Variants in ELFN2 observed in about 807,000 individuals in gnomAD.
ELFN2 encodes the protein protein phosphatase 1 regulatory subunit 29.
Under a neutral mutation model 45.5 loss-of-function variants are expected in ELFN2, and 17 were observed. The ratio of observed to expected loss-of-function variants is 0.37; its 90% CI spans 0.26 to 0.56. The LOEUF is 0.56. ELFN2 is among the 20% of genes least tolerant of loss of function. The pLI is 0.77. For missense variants in ELFN2, 922 were observed against 1,183.2 expected (o/e 0.78, Z 3.24); for synonymous variants, 550 against 551.5 (o/e 1.00, Z 0.04).
chr22:37,397,263 C>T (rs1423463737), intron 2 of ELFN2, among the ~76,000 whole-genome samples: 1 of 152,228 alleles, frequency 6.6e-6, no homozygotes, highest in Non-Finnish European at 1.5e-5. Flanking sequence ...TGTGCCCCCT[C>T]AGTGCCCCCA....
downstream of ELFN2, among the ~76,000 whole-genome samples, chr22:37,364,403 G>T (rs1251518083): frequency 6.6e-6 from 1 of 152,200 alleles, no homozygotes; most frequent in African/African-American, 2.4e-5. Flanking sequence ...GAGAGAGACT[G>T]GCCTGGCCAC....
At chr22:37,378,526 C>T (rs1931647764) in intron 2 of ELFN2, among the ~76,000 whole-genome samples, 2 of 152,218 alleles carry the variant, frequency 1.3e-5, no homozygotes, top group Admixed American at 1.3e-4. Flanking sequence ...GTCCCCCCAC[C>T]AGCTCTTCCC....
intron 2 of ELFN2, among the ~76,000 whole-genome samples, chr22:37,386,022 A>G (rs1471040351): frequency 6.6e-6 from 1 of 152,006 alleles, no homozygotes; most frequent in Non-Finnish European, 1.5e-5. Context: ...CACTGGGGAG[A>G]GGTCCCCAAC....
chr22:37,347,639 AG>A (rs1930728731), intron 1 of ELFN2, among the ~76,000 whole-genome samples: 1 of 116,808 alleles, frequency 8.6e-6, no homozygotes, highest in Non-Finnish European at 1.7e-5. Flanking sequence ...GGTGGGTGGC[AG>A]AACACACACA....
chr22:37,426,523 A>C (rs1932851459), intron 1 of ELFN2, among the ~76,000 whole-genome samples: 1 of 148,976 alleles, frequency 6.7e-6, no homozygotes, highest in Non-Finnish European at 1.5e-5. Flanking sequence ...AGCACGCACA[A>C]TCCTCTCCAC....
At position 37,375,527 on chromosome 22, in the gene ELFN2, C is replaced by T. The variant is rs1411291891; in HGVS notation, c.8G>A (p.Arg3His). Reference sequence around the variant, plus strand: ...CAGCGCCGCCGCGCACAGCCCCAGGCGCAGCATGGCGCTGGCCTCGGAGTG... The same window carrying T: ...CAGCGCCGCCGCGCACAGCCCCAGGTGCAGCATGGCGCTGGCCTCGGAGTG... ML[R>H]LGLCAAALLC... The change falls in exon 3 of 3, where the codon CGC becomes CAC. Residue 3 changes from arginine (R) to histidine (H), a missense_variant. By Grantham distance (29) the Arg-to-His change is conservative. Around this residue, in one of 2 missense-constraint regions of ELFN2, gnomAD observed 358 missense variants for 540.4 expected, o/e 0.66. Transcript: ENST00000402918. 3.2e-6 allele frequency: 5 copies of T among 1,550,308 alleles called. No homozygotes were observed. Among genetic ancestry groups the T allele is most frequent in the Non-Finnish European group, 4.4e-6 (5 of 1,147,162 alleles).
intron 2 of ELFN2, among the ~76,000 whole-genome samples, chr22:37,392,716 C>T (rs950031079): frequency 3.9e-5 from 6 of 152,308 alleles, no homozygotes; most frequent in Middle Eastern, 3.4e-3. Context: ...AGAAAGTGAG[C>T]GTGCTCCCCA....
chr22:37,373,376 C>T lies in ELFN2; in HGVS notation c.2159G>A (p.Gly720Asp), dbSNP rs776726552. Residue 720 changes from glycine (G) to aspartate (D), a missense_variant, in exon 3 of 3, where the codon GGT (glycine) becomes GAT (aspartate). Coordinates refer to ENST00000402918, the MANE Select transcript of ELFN2 (RefSeq NM_052906.5). ...HSFPALYYEE[G>D]ADSLSQRVSF... is the part of the protein sequence containing the mutation. ...CACGCGCTGGCTCAGGCTGTCGGCACCCTCCTCGTAGTACAGGGCGGGAAA... is the reference window on the plus strand; with the variant it reads ...CACGCGCTGGCTCAGGCTGTCGGCATCCTCCTCGTAGTACAGGGCGGGAAA... The T allele has an allele frequency of 6.8e-6, 11 of 1,611,560 alleles. No individual in the cohort carries two copies. Among genetic ancestry groups the T allele is most frequent in the South Asian group, 6.6e-5 (6 of 90,870 alleles).
Position 37,372,524 on chromosome 22 carries a change from T to G in ELFN2, c.*548A>C, listed in dbSNP as rs1931395815. The G allele has an allele frequency of 6.5e-6, 1 of 153,016 alleles. No individual in the cohort carries two copies. Among genetic ancestry groups the G allele is most frequent in the African/African-American group, 2.4e-5 (1 of 41,332 alleles). The allele number at this position is 153,016 out of a possible 1,614,324, so 9.5% of individuals were successfully genotyped here. On this transcript the variant is annotated 3_prime_UTR_variant, in exon 3 of 3. Transcript: ENST00000402918. This position sits in a 1 kb window ranked among gnomAD's most constrained non-coding sequence, Gnocchi z 4.4. ...GCTAAGCTGCTGTGTGACCCTGGGG[T>G]TGTCAACTCCCTTCTCTGGGCCTCA...
intron 1 of ELFN2, among the ~76,000 whole-genome samples, chr22:37,351,374 G>T (rs1470214669): frequency 6.7e-6 from 1 of 150,154 alleles, no homozygotes; most frequent in Admixed American, 6.6e-5. Flanking sequence ...CTGGAAAATT[G>T]GGTGTCCAGA....
intron 2 of ELFN2, among the ~76,000 whole-genome samples, chr22:37,388,798 T>C (rs1456901075): frequency 6.6e-6 from 1 of 152,206 alleles, no homozygotes; most frequent in Non-Finnish European, 1.5e-5. Context: ...CGCCTCACTC[T>C]CTATCCCAGA....
rs766028682 is a variant in ELFN2, at chr22:37,373,574, G to T, written c.1961C>A (p.Thr654Lys). 5 of 1,605,046 alleles carry T rather than the reference G, an allele frequency of 3.1e-6. No homozygotes were observed. In the African/African-American group the frequency reaches 6.7e-5, roughly 21 times the overall value. ...CTTGGAGTCGCCCTTAGCCAGCCCT[G>T]TGGCGGCCGGATGGTCGGGCACGTC... ...SLDVPDHPAA[T>K]GLAKGDSKYI... is the part of the protein sequence containing the mutation. The change falls in exon 3 of 3, where the codon ACA becomes AAA. Residue 654 changes from threonine to lysine, a missense_variant. Physicochemically the swap from Thr to Lys is moderately conservative, Grantham distance 78. Around this residue, in one of 2 missense-constraint regions of ELFN2, gnomAD observed 564 missense variants for 642.8 expected, o/e 0.88. Coordinates refer to ENST00000402918, the MANE Select transcript of ELFN2 (RefSeq NM_052906.5).
intron 2 of ELFN2, among the ~76,000 whole-genome samples, chr22:37,407,787 C>T (rs890661534): frequency 3.3e-5 from 5 of 151,784 alleles, no homozygotes; most frequent in African/African-American, 1.2e-4. Context: ...CCCAGCTACT[C>T]GGGAGGCTGA....
At chr22:37,398,184 G>C (rs1293558018) in intron 2 of ELFN2, among the ~76,000 whole-genome samples, 2 of 152,160 alleles carry the variant, frequency 1.3e-5, no homozygotes, top group African/African-American at 4.8e-5. Flanking sequence ...GCAGCTGTGG[G>C]CGGTGGAGCT....
Position 37,373,376 on chromosome 22 carries a change from CCCT to C in ELFN2, c.2156_2158del (p.Glu719del). The C allele has an allele frequency of 6.2e-7, 1 of 1,611,560 alleles. No homozygotes were observed. On this transcript the variant is annotated inframe_deletion, in exon 3 of 3. Transcript: ENST00000402918. ...CACGCGCTGGCTCAGGCTGTCGGCA[CCCT>C]CCTCGTAGTACAGGGCGGGAAAGCT...
chr22:37,382,645 G>C (rs1931822415), intron 2 of ELFN2, among the ~76,000 whole-genome samples: 1 of 150,286 alleles, frequency 6.7e-6, no homozygotes, highest in South Asian at 2.1e-4. Flanking sequence ...TGCCTCTAGG[G>C]CTCAAGCAAT....
intron 2 of ELFN2, among the ~76,000 whole-genome samples, chr22:37,377,154 C>T (rs1035884466): frequency 6.6e-6 from 1 of 152,218 alleles, no homozygotes; most frequent in South Asian, 2.1e-4. Flanking sequence ...GGAGGCACCA[C>T]GGGGGTCACA....
At chr22:37,403,670 A>G (rs1221134487) in intron 2 of ELFN2, among the ~76,000 whole-genome samples, 1 of 152,216 alleles carries the variant, frequency 6.6e-6, no homozygotes, top group East Asian at 1.9e-4. Context: ...AGGAAAAGGC[A>G]GAAAAGGCAG....
intron 2 of ELFN2, among the ~76,000 whole-genome samples, chr22:37,391,461 G>A (rs761360243): frequency 9.9e-5 from 15 of 152,210 alleles, no homozygotes; most frequent in Non-Finnish European, 1.8e-4. Context: ...ACACCGCGCC[G>A]GCACCCGCTG....
Sources: allele counts gnomAD v4.1 joint callset (sites outside exome capture counted in the v4.1 genomes callset), GRCh38; gene constraint gnomAD v4.1.1; regional missense constraint gnomAD v4.1.1; non-coding constraint Gnocchi (gnomAD v3.1); transcripts MANE v1.5; gene names NCBI Gene and HGNC (gene_info 2026-07-23, HGNC 2026-07-21).